Variants in SPMIP2 observed in about 807,000 individuals in gnomAD.
SPMIP2 encodes the protein protein SPMIP2.
At chr4:159,046,222 C>T in the SPMIP2 span, among the ~76,000 whole-genome samples, 2 of 145,316 alleles carry the variant, frequency 1.4e-5, no homozygotes, top group African/African-American at 5.3e-5. Context: ...GAGTGAGACC[C>T]TGTCTCAAGA....
At chr4:158,939,900 T>C in the SPMIP2 span, among the ~76,000 whole-genome samples, 3 of 152,194 alleles carry the variant, frequency 2.0e-5, no homozygotes, top group African/African-American at 7.2e-5. Context: ...ACTTTTCTGA[T>C]AACATCTCCA....
At chr4:159,075,214 C>T in the SPMIP2 span, among the ~76,000 whole-genome samples, 7 of 152,118 alleles carry the variant, frequency 4.6e-5, no homozygotes, top group Non-Finnish European at 1.0e-4. Context: ...AGAAAATTTG[C>T]AGCATGGCCT....
At chr4:158,904,667 C>CT in the SPMIP2 span, 19 of 861,416 alleles carry the variant, frequency 2.2e-5, no homozygotes, top group Non-Finnish European at 3.3e-5. Flanking sequence ...GTCATTCCAC[C>CT]TTTTTGTTTT....
chr4:158,977,029 T>C, the SPMIP2 span, among the ~76,000 whole-genome samples: 1 of 152,178 alleles, frequency 6.6e-6, no homozygotes, highest in East Asian at 1.9e-4. Context: ...GCACTGATGT[T>C]CATCAGGGAT....
chr4:158,948,499 T>G, the SPMIP2 span, among the ~76,000 whole-genome samples: 1 of 152,102 alleles, frequency 6.6e-6, no homozygotes, highest in African/African-American at 2.4e-5. Context: ...TGATTACTGA[T>G]CCTCTGTAAA....
the SPMIP2 span, among the ~76,000 whole-genome samples, chr4:158,935,224 A>G: frequency 6.6e-6 from 1 of 152,058 alleles, no homozygotes; most frequent in African/African-American, 2.4e-5. Context: ...GGCTTATGCA[A>G]TCCCATATGG....
At chr4:159,030,829 A>G in the SPMIP2 span, among the ~76,000 whole-genome samples, 2 of 152,178 alleles carry the variant, frequency 1.3e-5, no homozygotes, top group Non-Finnish European at 1.5e-5. Flanking sequence ...TTAGAAATCA[A>G]TAAAAATCCT....
chr4:159,047,101 A>C, the SPMIP2 span, among the ~76,000 whole-genome samples: 2 of 152,230 alleles, frequency 1.3e-5, no homozygotes, highest in African/African-American at 4.8e-5. Flanking sequence ...TGACTTGATC[A>C]GTTTTGTTAG....
At chr4:159,034,816 A>T in the SPMIP2 span, among the ~76,000 whole-genome samples, 1 of 152,142 alleles carries the variant, frequency 6.6e-6, no homozygotes, top group East Asian at 1.9e-4. Context: ...TCTTGAACCC[A>T]GGTGGCGGAG....
chr4:158,984,871 C>T, the SPMIP2 span, among the ~76,000 whole-genome samples: 151,529 of 151,734 alleles, frequency 1, 75,663 homozygotes, highest in East Asian at 1. Flanking sequence ...ATCAACAAAA[C>T]TGATACACCG....
the SPMIP2 span, chr4:158,904,766 ATT>A: frequency 2.0e-6 from 1 of 512,680 alleles, no homozygotes; most frequent in African/African-American, 1.9e-5. Flanking sequence ...ACTTTAGGCC[ATT>A]TGTTACCCAT....
the SPMIP2 span, among the ~76,000 whole-genome samples, chr4:158,927,571 G>A: frequency 6.6e-6 from 1 of 152,196 alleles, no homozygotes; most frequent in African/African-American, 2.4e-5. Context: ...CGCTCTCGGC[G>A]CCTCCTCTGC....
the SPMIP2 span, among the ~76,000 whole-genome samples, chr4:159,059,471 C>G: frequency 6.6e-6 from 1 of 152,374 alleles, no homozygotes; most frequent in East Asian, 1.9e-4. Flanking sequence ...CTCCTGGGCT[C>G]AAGCTGTCCT....
chr4:158,943,743 G>C, the SPMIP2 span, among the ~76,000 whole-genome samples: 1 of 151,588 alleles, frequency 6.6e-6, no homozygotes, highest in South Asian at 2.1e-4. Context: ...ATGAATCACT[G>C]CTGACCCCAG....
chr4:158,973,983 CAAA>C, the SPMIP2 span, among the ~76,000 whole-genome samples: 45 of 64,968 alleles, frequency 6.9e-4, no homozygotes, highest in African/African-American at 2.6e-3. Context: ...AAGGCCACCT[CAAA>C]AAAAAAAAAA....
At chr4:158,950,819 G>A in the SPMIP2 span, among the ~76,000 whole-genome samples, 2 of 152,158 alleles carry the variant, frequency 1.3e-5, no homozygotes, top group Non-Finnish European at 2.9e-5. Context: ...CTTGAACCTT[G>A]GAGGCAGAGG....
the SPMIP2 span, among the ~76,000 whole-genome samples, chr4:158,974,516 T>A: frequency 6.6e-6 from 1 of 151,962 alleles, no homozygotes; most frequent in Admixed American, 6.6e-5. Flanking sequence ...GCCCATATGT[T>A]CTCATTGTTT....
chr4:158,906,684 A>C, the SPMIP2 span: 8 of 152,184 alleles, frequency 5.3e-5, no homozygotes, highest in Non-Finnish European at 1.2e-4. Flanking sequence ...GTCAGAACCT[A>C]ATCCTCATAT....
the SPMIP2 span, among the ~76,000 whole-genome samples, chr4:159,030,749 G>A: frequency 2.6e-5 from 4 of 151,988 alleles, no homozygotes; most frequent in Non-Finnish European, 4.4e-5. Context: ...CACCTGCCTC[G>A]GCCTCCCAGG....
Sources: allele counts gnomAD v4.1 joint callset (sites outside exome capture counted in the v4.1 genomes callset), GRCh38; gene constraint gnomAD v4.1.1; transcripts MANE v1.5; gene names NCBI Gene and HGNC (gene_info 2026-07-23, HGNC 2026-07-21).